Variants in SMARCA2 observed in about 807,000 individuals in gnomAD.
The protein encoded by SMARCA2 is SWI/SNF-related matrix-associated actin-dependent regulator of chromatin subfamily A member 2.
In SMARCA2, 61 loss-of-function variants were observed where a neutral mutation model predicts 199.8. The observed-to-expected ratio is 0.31, with a 90% CI of 0.25 to 0.38. The LOEUF is 0.38. Among genes scored for constraint, SMARCA2 ranks in the 10% least tolerant of loss-of-function variants. The pLI is 1.00. For synonymous variants in SMARCA2, 935 were observed against 732.0 expected (o/e 1.28, Z -4.48); for missense variants, 1,344 against 2,012.2 (o/e 0.67, Z 6.35).
At chr9:2,063,068 C>A (rs1586662604) in intron 9 of SMARCA2, among the ~76,000 whole-genome samples, 2 of 152,252 alleles carry the variant, frequency 1.3e-5, no homozygotes, top group East Asian at 1.9e-4. Context: ...TTATGGTCAG[C>A]CATCTACCCT....
At chr9:2,021,224 A>G (rs1284462915) in intron 1 of SMARCA2, among the ~76,000 whole-genome samples, 1 of 152,230 alleles carries the variant, frequency 6.6e-6, no homozygotes, top group Non-Finnish European at 1.5e-5. Context: ...TTGTAAGTTG[A>G]TGAATGGGAC....
chr9:2,161,560 A>C lies in SMARCA2; in HGVS notation c.3982-126A>C. ...CCTCCACTGATTACTGTTAACTTTT[A>C]CTTTTTTTTGGTTAATTTCTTTCAT... On this transcript the variant is annotated intron_variant, in intron 27 of 33. Transcript: ENST00000349721. This position sits in a 1 kb window ranked among gnomAD's most constrained non-coding sequence, Gnocchi z 4.7. 1.5e-6 allele frequency: 1 copy of C among 663,274 alleles called. No homozygotes were observed. The highest frequency in any genetic ancestry group is 2.0e-5 in the South Asian group (1 of 48,878). The allele number at this position is 663,274 out of a possible 1,614,324, so 41.1% of individuals were successfully genotyped here.
intron 26 of SMARCA2, among the ~76,000 whole-genome samples, chr9:2,121,056 C>T (rs532476886): frequency 6.6e-6 from 1 of 152,318 alleles, no homozygotes; most frequent in East Asian, 1.9e-4. Flanking sequence ...GGCAATAATT[C>T]AGCACTGCTA....
At chr9:2,180,247 A>G (rs1272819383) in intron 29 of SMARCA2, among the ~76,000 whole-genome samples, 3 of 152,104 alleles carry the variant, frequency 2.0e-5, no homozygotes, top group Non-Finnish European at 4.4e-5. Context: ...AAAAAAATAA[A>G]ACAAAAACGA....
chr9:2,147,295 C>A (rs1052817095), intron 27 of SMARCA2, among the ~76,000 whole-genome samples: 1 of 150,408 alleles, frequency 6.6e-6, no homozygotes. Flanking sequence ...GACCCCCATT[C>A]CAAAAAGATG....
chr9:2,038,137 C>T (rs1819411881), intron 3 of SMARCA2, among the ~76,000 whole-genome samples: 1 of 152,012 alleles, frequency 6.6e-6, no homozygotes, highest in African/African-American at 2.4e-5. Context: ...TTCATATAAC[C>T]AAATTTGTAT....
Position 2,039,788 on chromosome 9 carries a change from G to A in SMARCA2, c.678G>A (p.Gln226=), listed in dbSNP as rs1211606443. The part of the protein sequence containing the change: ...QQQQQQQQQQ[Q]QQQQQQQQQQ... ...AACAGCAGCAGCAACAGCAGCAGCA[G>A]CAGCAGCAGCAGCAGCAGCAGCAGC... The change falls in exon 4 of 34, where the codon CAG becomes CAA. Residue 226 remains glutamine, a synonymous_variant. Transcript: ENST00000349721. This position sits in a 1 kb window ranked among gnomAD's most constrained non-coding sequence, Gnocchi z 4.8. 1 of 1,572,874 alleles carries A rather than the reference G, an allele frequency of 6.4e-7. No individual in the cohort carries two copies. Among genetic ancestry groups the A allele is most frequent in the East Asian group, 2.3e-5 (1 of 43,912 alleles).
chr9:2,131,443 G>A (rs1823943618), intron 27 of SMARCA2, among the ~76,000 whole-genome samples: 1 of 152,184 alleles, frequency 6.6e-6, no homozygotes, highest in Non-Finnish European at 1.5e-5. Context: ...TGATGGTGAT[G>A]AGACTTATTT....
In SMARCA2 at chr9:2,132,457, G is replaced by C. The variant is rs564331608; in HGVS notation, c.3981+8520G>C. Reference sequence around the variant, plus strand: ...TTTTACACTGGCAAGATTTTTTTGTGGGGGGGGATCCTTTTTCTAAAGCAT... The same window carrying C: ...TTTTACACTGGCAAGATTTTTTTGTCGGGGGGGATCCTTTTTCTAAAGCAT... On this transcript the variant is annotated intron_variant, in intron 27 of 33. Transcript: ENST00000349721. 7.6e-5 allele frequency among the ~76,000 whole-genome samples: 11 copies of C among 144,196 alleles called. No individual in the cohort carries two copies. In the South Asian group the frequency reaches 1.9e-3, roughly 25 times the overall value. The allele number at this position is 144,196 out of a possible 152,430, so 94.6% of individuals were successfully genotyped here.
chr9:2,104,294 G>A lies in SMARCA2; in HGVS notation c.3292+125G>A, dbSNP rs1245542659. On this transcript the variant is annotated intron_variant, in intron 23 of 33. Transcript: ENST00000349721. The surrounding 1 kb of genome is among the most constrained non-coding windows in gnomAD (Gnocchi z 4.0). The stretch of plus-strand genomic sequence containing the variant: ...GAAGAATTGACTAGAAGCATTGGGA[G>A]CAGTTTTTCTAGATAGCAATTTTTT... 1 of 887,962 alleles carries A rather than the reference G, an allele frequency of 1.1e-6. No homozygotes were observed. Among genetic ancestry groups the A allele is most frequent in the Non-Finnish European group, 1.7e-6 (1 of 594,288 alleles). The allele number at this position is 887,962 out of a possible 1,614,324, so 55.0% of individuals were successfully genotyped here.
intron 23 of SMARCA2, among the ~76,000 whole-genome samples, chr9:2,108,482 G>C (rs1355707871): frequency 1.3e-5 from 2 of 152,290 alleles, no homozygotes; most frequent in South Asian, 4.1e-4. Context: ...TTCATTTTCA[G>C]TTAATCAAAA....
At position 2,083,423 on chromosome 9, in the gene SMARCA2, G is replaced by T; in HGVS notation, c.2415+10G>T. ...GAAGATTTCTTACAAGGTTTGGAAT[G>T]CTGTATTTATATATAAATGTGGAAA... On this transcript the variant is annotated intron_variant, in intron 16 of 33. Transcript: ENST00000349721. The T allele has an allele frequency of 6.3e-7, 1 of 1,579,300 alleles. No individual in the cohort carries two copies.
intron 2 of SMARCA2, among the ~76,000 whole-genome samples, chr9:2,030,176 G>A (rs144533040): frequency 1.8e-4 from 27 of 152,154 alleles, no homozygotes; most frequent in Non-Finnish European, 3.7e-4. Context: ...CCAGAGAAAC[G>A]GAACCAATAG....
intron 27 of SMARCA2, among the ~76,000 whole-genome samples, chr9:2,127,468 T>C (rs1823746298): frequency 6.6e-6 from 1 of 152,218 alleles, no homozygotes; most frequent in South Asian, 2.1e-4. Flanking sequence ...ATGGTAGGTA[T>C]ACCTGATTGG....
intron 28 of SMARCA2, among the ~76,000 whole-genome samples, chr9:2,164,361 C>G (rs1421665813): frequency 6.6e-6 from 1 of 152,156 alleles, no homozygotes; most frequent in Non-Finnish European, 1.5e-5. Context: ...GATTTAACCA[C>G]CTGCATTTGA....
Position 2,170,860 on chromosome 9 carries a change from A to G in SMARCA2, c.4253+388A>G, listed in dbSNP as rs918182691. Among the ~76,000 whole-genome samples the G allele has an allele frequency of 1.3e-5, 2 of 152,220 alleles. No individual in the cohort carries two copies. Among genetic ancestry groups the G allele is most frequent in the African/African-American group, 4.8e-5 (2 of 41,442 alleles). ...TGTCTTGGTTTAGAAGCTTAATGCG[A>G]AGCACCTGTAGTGACTTGATCTCCT... On this transcript the variant is annotated intron_variant, in intron 29 of 33. Coordinates refer to ENST00000349721, the MANE Select transcript of SMARCA2 (RefSeq NM_003070.5). The surrounding 1 kb of genome is among the most constrained non-coding windows in gnomAD (Gnocchi z 4.7).
intron 9 of SMARCA2, among the ~76,000 whole-genome samples, chr9:2,065,142 G>A (rs1441795361): frequency 4.6e-5 from 7 of 152,124 alleles, no homozygotes; most frequent in South Asian, 2.1e-4. Flanking sequence ...CCGAGACGGC[G>A]CCACTGCACT....
chr9:2,133,252 AT>A (rs1824041747), intron 27 of SMARCA2, among the ~76,000 whole-genome samples: 1 of 152,230 alleles, frequency 6.6e-6, no homozygotes, highest in Non-Finnish European at 1.5e-5. Context: ...TAGAAATAAT[AT>A]TTTAGGAATA....
At chr9:2,171,849 A>G (rs1017341799) in intron 29 of SMARCA2, among the ~76,000 whole-genome samples, 1 of 152,228 alleles carries the variant, frequency 6.6e-6, no homozygotes, top group African/African-American at 2.4e-5. Context: ...GCCCTCTTCC[A>G]TCAAGATGGT....
Sources: allele counts gnomAD v4.1 joint callset (sites outside exome capture counted in the v4.1 genomes callset), GRCh38; gene constraint gnomAD v4.1.1; non-coding constraint Gnocchi (gnomAD v3.1); transcripts MANE v1.5; gene names NCBI Gene and HGNC (gene_info 2026-07-23, HGNC 2026-07-21).